The following NINL variants were observed in gnomAD, a reference collection of about 807,000 sequenced individuals.
NINL encodes ninein like, also known as ninein-like protein.
A neutral mutation model predicts 160.3 loss-of-function variants in NINL; 153 were observed. That is an observed-to-expected ratio of 0.95 (90% CI 0.84 to 1.09). The LOEUF (loss-of-function observed/expected upper bound fraction) is 1.09. Among genes scored for constraint, NINL ranks in the 50% least tolerant of loss-of-function variants. NINL has a pLI of 0.00. For missense variants in NINL, 1,829 were observed against 1,764.0 expected, an observed-to-expected ratio of 1.04 and a Z score of -0.66; for synonymous variants, 800 against 734.8, an observed-to-expected ratio of 1.09 and a Z score of -1.43.
intron 1 of NINL, among the ~76,000 whole-genome samples, chr20:25,566,045 T>C (rs556256663): frequency 7.2e-5 from 11 of 152,320 alleles, no homozygotes; most frequent in Admixed American, 3.3e-4. Context: ...GGACCTCCAG[T>C]TGGCAGCCAG....
chr20:25,559,226 G>C (rs997950540), intron 1 of NINL, among the ~76,000 whole-genome samples: 5 of 152,096 alleles, frequency 3.3e-5, no homozygotes, highest in Admixed American at 6.5e-5. Flanking sequence ...TGCTCAGCTC[G>C]GGGAGCAGAG....
At chr20:25,484,512 G>T (rs545121940) in intron 13 of NINL, among the ~76,000 whole-genome samples, 2 of 152,234 alleles carry the variant, frequency 1.3e-5, no homozygotes, top group Admixed American at 1.3e-4. Flanking sequence ...AGCCAACACT[G>T]CGGGGCATGC....
At chr20:25,478,104 A>G (rs939452924) in intron 16 of NINL, among the ~76,000 whole-genome samples, 2 of 151,740 alleles carry the variant, frequency 1.3e-5, no homozygotes, top group Non-Finnish European at 2.9e-5. Context: ...GCCTGCTACC[A>G]TGCTCAGCTA....
chr20:25,473,177 AAGTGGTTAC>A (rs1263176906), intron 17 of NINL, among the ~76,000 whole-genome samples: 1 of 152,188 alleles, frequency 6.6e-6, no homozygotes. Context: ...ATGCTGTAAG[AAGTGGTTAC>A]CCCGGGGACT....
intron 17 of NINL, among the ~76,000 whole-genome samples, chr20:25,473,970 A>G (rs192183070): frequency 8.5e-4 from 130 of 152,360 alleles, no homozygotes; most frequent in African/African-American, 3.0e-3. Context: ...CCAGAGCACA[A>G]AAGTCAGATA....
chr20:25,474,472 T>C (rs1023359341), intron 17 of NINL, among the ~76,000 whole-genome samples: 5 of 152,206 alleles, frequency 3.3e-5, no homozygotes, highest in African/African-American at 1.2e-4. Context: ...ACAGCAGACA[T>C]TCCAAGGGTG....
At chr20:25,569,736 G>T (rs6115213) in intron 1 of NINL, among the ~76,000 whole-genome samples, 4 of 152,048 alleles carry the variant, frequency 2.6e-5, no homozygotes, top group Non-Finnish European at 5.9e-5. Context: ...GCACGGAGGC[G>T]GAGGAAGCAG....
intron 1 of NINL, among the ~76,000 whole-genome samples, chr20:25,544,109 T>C (rs897832495): frequency 7.1e-6 from 1 of 140,346 alleles, no homozygotes; most frequent in Non-Finnish European, 1.5e-5. Flanking sequence ...AAGAGAAACC[T>C]TGTCCAGCAG....
chr20:25,484,706 A>G (rs2063473205), intron 13 of NINL, among the ~76,000 whole-genome samples: 1 of 152,228 alleles, frequency 6.6e-6, no homozygotes, highest in Admixed American at 6.5e-5. Flanking sequence ...AATGGCATGG[A>G]CAGATGTGGA....
At chr20:25,479,297 C>T in intron 15 of NINL, 91 bp from the exon 16 acceptor site, 1 of 1,495,008 alleles carries the variant, frequency 6.7e-7, no homozygotes, top group Non-Finnish European at 9.0e-7. Flanking sequence ...CTGCCTGGCA[C>T]AACGTGCAAA....
chr20:25,468,597 C>T (rs1409653104), intron 18 of NINL, among the ~76,000 whole-genome samples: 1 of 134,754 alleles, frequency 7.4e-6, no homozygotes, highest in Non-Finnish European at 1.6e-5. Context: ...GGTCTGTGCC[C>T]CTCTGTCCTG....
chr20:25,537,245 GC>G (rs1377996402), intron 1 of NINL, among the ~76,000 whole-genome samples: 2 of 152,032 alleles, frequency 1.3e-5, no homozygotes, highest in Non-Finnish European at 2.9e-5. Flanking sequence ...ACCCTGCCTG[GC>G]TACTTTTAAA....
Position 25,504,015 on chromosome 20 carries a change from C to T in NINL, c.798G>A (p.Glu266=). The T allele has an allele frequency of 6.2e-7, 1 of 1,613,834 alleles. No individual in the cohort carries two copies. Among genetic ancestry groups the T allele is most frequent in the Non-Finnish European group, 8.5e-7 (1 of 1,179,880 alleles). The change falls in exon 7 of 24, where the codon GAG becomes GAA. Residue 266 remains glutamate, a synonymous_variant. Transcript: ENST00000278886. ...EEFQLGLFSH[E]PALLLESSTR... is the part of the protein sequence containing the mutation. ...TGGAAGACTCTAGAAGTAGCGCGGG[C>T]TCATGACTGAAGAGGCCAAGCTGGA...
At chr20:25,557,224 A>C (rs917663323) in intron 1 of NINL, among the ~76,000 whole-genome samples, 5 of 152,182 alleles carry the variant, frequency 3.3e-5, no homozygotes, top group African/African-American at 1.2e-4. Flanking sequence ...AGACCATATT[A>C]ATAGACTTCA....
intron 9 of NINL, among the ~76,000 whole-genome samples, chr20:25,497,627 A>G (rs569059798): frequency 6.6e-6 from 1 of 152,384 alleles, no homozygotes; most frequent in South Asian, 2.1e-4. Context: ...CAGCCAAACC[A>G]AACAGACACA....
rs1180925787 is a variant in NINL at position 25,453,090 on chromosome 20, C to CT, written c.*360dup. The CT allele has an allele frequency of 5.7e-6, 1 of 174,044 alleles. No individual in the cohort carries two copies. The highest frequency in any genetic ancestry group is 2.4e-5 in the African/African-American group (1 of 42,296). 10.8% of individuals were successfully genotyped at this position (174,044 alleles called of 1,614,324 possible). A position where few individuals can be genotyped will look rare whatever the true frequency, so the allele number is the denominator to read the frequency against. ...CAGAGCCCTGACTTTACATTTCACT[C>CT]TGACAGCCAGGGTCGGAAGCACCAC... is the stretch of plus-strand genomic sequence containing the variant. On this transcript the variant is annotated 3_prime_UTR_variant, in exon 24 of 24. Coordinates refer to ENST00000278886, the MANE Select transcript of NINL (RefSeq NM_025176.6).
rs1480025019 is a variant in NINL at position 25,476,497 on chromosome 20, C to T, written c.2794G>A (p.Gly932Arg). ...TCCCGGGCTCCAGGCTGCTCCAGCC[C>T]CGCTGCGCTCGCGCCGAAAGGCTCT... ...EPEPFGASAA[G>R]LEQPGARELP... is the part of the protein sequence containing the mutation. Residue 932 changes from glycine to arginine, a missense_variant, in exon 17 of 24, where the codon GGG (glycine) becomes AGG (arginine). Transcript: ENST00000278886. 1.5e-5 allele frequency: 24 copies of T among 1,603,920 alleles called. No individual in the cohort carries two copies. The highest frequency in any genetic ancestry group is 1.9e-5 in the Non-Finnish European group (23 of 1,179,852).
At chr20:25,467,306 C>T in intron 19 of NINL, 83 bp downstream of exon 19, 1 of 1,200,136 alleles carries the variant, frequency 8.3e-7, no homozygotes, top group Non-Finnish European at 1.2e-6. Context: ...TTCTCTACTT[C>T]CTTTTGTAAG....
At chr20:25,526,633 A>G in intron 1 of NINL, 35 bp from the exon 2 acceptor site, 1 of 1,581,842 alleles carries the variant, frequency 6.3e-7, no homozygotes, top group East Asian at 2.3e-5. Context: ...AAACATCAGG[A>G]CACTTTCCCA....
Sources: allele counts gnomAD v4.1 joint callset (sites outside exome capture counted in the v4.1 genomes callset), GRCh38; gene constraint gnomAD v4.1.1; transcripts MANE v1.5; gene names NCBI Gene and HGNC (gene_info 2026-07-23, HGNC 2026-07-21).